Variants in ASTN2 observed in about 807,000 individuals in gnomAD.
ASTN2 encodes the protein astrotactin-2.
A neutral mutation model predicts 139.8 loss-of-function variants in ASTN2; 54 were observed. The ratio of observed to expected loss-of-function variants is 0.39; its 90% CI spans 0.31 to 0.48. ASTN2 has a LOEUF of 0.48. ASTN2 is among the 20% of genes least tolerant of loss of function. ASTN2 has a pLI of 0.95. For missense variants in ASTN2, 1,565 were observed against 1,725.1 expected, an observed-to-expected ratio of 0.91 and a Z score of 1.64; for synonymous variants, 756 against 719.5, an observed-to-expected ratio of 1.05 and a Z score of -0.81.
chr9:116,950,054 C>A (rs3849144), intron 10 of ASTN2, among the ~76,000 whole-genome samples: 110,465 of 151,832 alleles, frequency 0.73, 40,967 homozygotes, highest in Admixed American at 0.83. Flanking sequence ...AGAGGTCTAT[C>A]AAAGAATATG....
chr9:116,470,085 T>A (rs1004912129), intron 20 of ASTN2, among the ~76,000 whole-genome samples: 38 of 152,150 alleles, frequency 2.5e-4, no homozygotes, highest in African/African-American at 8.7e-4. Context: ...GCACCTGTAA[T>A]CCCAGCTACT....
At chr9:116,829,244 C>T (rs1831732756) in intron 11 of ASTN2, among the ~76,000 whole-genome samples, 2 of 151,348 alleles carry the variant, frequency 1.3e-5, no homozygotes, top group Admixed American at 1.3e-4. Context: ...ATCACATTAT[C>T]TGACTTCAAA....
intron 3 of ASTN2, among the ~76,000 whole-genome samples, chr9:117,154,880 C>T (rs1021665344): frequency 2.6e-5 from 4 of 151,852 alleles, no homozygotes; most frequent in African/African-American, 9.7e-5. Flanking sequence ...TAATATCATT[C>T]ACTCATTGTG....
intron 13 of ASTN2, among the ~76,000 whole-genome samples, chr9:116,790,995 G>GA (rs1830529908): frequency 8.6e-6 from 1 of 116,544 alleles, no homozygotes; most frequent in African/African-American, 3.2e-5. Context: ...AAGAAAGAAA[G>GA]AAAGAAAGAA....
chr9:117,118,621 C>T (rs1415166046), intron 4 of ASTN2, among the ~76,000 whole-genome samples: 1 of 152,200 alleles, frequency 6.6e-6, no homozygotes, highest in African/African-American at 2.4e-5. Context: ...TCCCTGTTCA[C>T]TAGTCTCCAA....
chr9:117,016,617 T>TGTTAC (rs1564385774), intron 6 of ASTN2, among the ~76,000 whole-genome samples: 4 of 3,948 alleles, frequency 1.0e-3, no homozygotes, highest in East Asian at 7.9e-3. Flanking sequence ...TATCTATATC[T>TGTTAC]ATCTATCTAT....
At chr9:117,254,047 G>T (rs1833614401) in intron 2 of ASTN2, among the ~76,000 whole-genome samples, 1 of 152,118 alleles carries the variant, frequency 6.6e-6, no homozygotes, top group Non-Finnish European at 1.5e-5. Context: ...TGGCAGGGGA[G>T]GTGAAGGTGA....
chr9:117,306,618 A>T (rs1835005734), intron 1 of ASTN2, among the ~76,000 whole-genome samples: 1 of 152,146 alleles, frequency 6.6e-6, no homozygotes, highest in African/African-American at 2.4e-5. Context: ...TTGATCTCAC[A>T]CTGTCTTAAT....
At chr9:116,663,748 G>C (rs1000616117) in intron 16 of ASTN2, among the ~76,000 whole-genome samples, 1 of 152,092 alleles carries the variant, frequency 6.6e-6, no homozygotes, top group Non-Finnish European at 1.5e-5. Context: ...ACATATTCCA[G>C]GACAGATGTT....
intron 5 of ASTN2, among the ~76,000 whole-genome samples, chr9:117,074,778 TACAC>T (rs1298237877): frequency 6.6e-6 from 1 of 152,200 alleles, no homozygotes; most frequent in African/African-American, 2.4e-5. Context: ...ATTATGTAAA[TACAC>T]ATACATATGT....
At chr9:116,940,583 TAA>T (rs1835197461) in intron 10 of ASTN2, among the ~76,000 whole-genome samples, 1 of 152,218 alleles carries the variant, frequency 6.6e-6, no homozygotes, top group Non-Finnish European at 1.5e-5. Flanking sequence ...AATGAAGATG[TAA>T]ACCCTCATGT....
At chr9:117,016,928 T>C (rs1455218207) in intron 6 of ASTN2, among the ~76,000 whole-genome samples, 1 of 151,612 alleles carries the variant, frequency 6.6e-6, no homozygotes, top group Non-Finnish European at 1.5e-5. Flanking sequence ...GTGTGTCTAC[T>C]GTTTTCTGTC....
At chr9:117,164,239 C>T (rs1830617820) in intron 3 of ASTN2, among the ~76,000 whole-genome samples, 1 of 152,038 alleles carries the variant, frequency 6.6e-6, no homozygotes, top group Admixed American at 6.6e-5. Flanking sequence ...AAATTGAGAA[C>T]AACATTGAGA....
At chr9:117,063,377 C>T (rs1033815394) in intron 5 of ASTN2, among the ~76,000 whole-genome samples, 2 of 152,098 alleles carry the variant, frequency 1.3e-5, no homozygotes, top group African/African-American at 4.8e-5. Context: ...AATTGAATCA[C>T]GGGGGTGATT....
intron 11 of ASTN2, among the ~76,000 whole-genome samples, chr9:116,854,356 G>T (rs1832684379): frequency 6.6e-6 from 1 of 152,144 alleles, no homozygotes; most frequent in Non-Finnish European, 1.5e-5. Context: ...CAGCAGCTTT[G>T]GCAGGCATAA....
intron 12 of ASTN2, among the ~76,000 whole-genome samples, chr9:116,814,290 G>T (rs1831250979): frequency 6.6e-6 from 1 of 152,062 alleles, no homozygotes; most frequent in African/African-American, 2.4e-5. Flanking sequence ...TGATATCATG[G>T]GAATCTTTTT....
At chr9:116,867,287 G>A (rs562521507) in intron 10 of ASTN2, among the ~76,000 whole-genome samples, 35 of 152,122 alleles carry the variant, frequency 2.3e-4, no homozygotes, top group African/African-American at 7.9e-4. Context: ...AGGTGGGAGG[G>A]AGAGTGAGAA....
intron 2 of ASTN2, among the ~76,000 whole-genome samples, chr9:117,217,260 G>C (rs921164720): frequency 2.0e-5 from 3 of 152,156 alleles, no homozygotes; most frequent in Non-Finnish European, 4.4e-5. Flanking sequence ...ATGCCCCTGG[G>C]GGAATCTCCT....
chr9:116,610,117 A>G, intron 19 of ASTN2, among the ~76,000 whole-genome samples: 1 of 152,210 alleles, frequency 6.6e-6, no homozygotes, highest in Non-Finnish European at 1.5e-5. Flanking sequence ...ATTATTAAGC[A>G]GGTCATGGAC....
Sources: gnomAD v4.1 joint callset for allele counts (sites outside exome capture counted in the v4.1 genomes callset) on GRCh38, gnomAD v4.1.1 for gene constraint, MANE v1.5 for transcripts, NCBI Gene and HGNC (gene_info 2026-07-23, HGNC 2026-07-21) for gene names.